Variants in GPHN observed in about 807,000 individuals in gnomAD.
GPHN encodes the protein gephyrin.
GPHN carries 17 observed loss-of-function variants against 95.5 expected under a neutral mutation model. That is an observed-to-expected ratio of 0.18 (90% confidence interval 0.12 to 0.27). The LOEUF is 0.27. GPHN is among the 10% of genes least tolerant of loss of function. GPHN has a pLI of 1.00. For synonymous variants in GPHN, 320 were observed against 322.5 expected, an observed-to-expected ratio of 0.99 and a Z score of 0.08; for missense variants, 660 against 978.1, an observed-to-expected ratio of 0.67 and a Z score of 4.34.
intron 4 of GPHN, among the ~76,000 whole-genome samples, chr14:66,842,051 C>T (rs1045791453): frequency 2.0e-5 from 3 of 148,260 alleles, no homozygotes; most frequent in Non-Finnish European, 4.5e-5. Flanking sequence ...AGACTCCTTC[C>T]CCCCGCCCCC....
At chr14:66,634,798 G>A (rs967990868) in intron 1 of GPHN, among the ~76,000 whole-genome samples, 1 of 152,118 alleles carries the variant, frequency 6.6e-6, no homozygotes, top group Non-Finnish European at 1.5e-5. Flanking sequence ...TGTGTGGTGT[G>A]GCTTTCTTCA....
chr14:67,541,345 C>G, the GPHN span, among the ~76,000 whole-genome samples: 3 of 152,206 alleles, frequency 2.0e-5, no homozygotes, highest in African/African-American at 7.2e-5. Flanking sequence ...TCCCAGCTCC[C>G]ATTCCCATTT....
intron 12 of GPHN, among the ~76,000 whole-genome samples, chr14:67,098,520 A>G (rs1354932782): frequency 6.6e-6 from 1 of 152,090 alleles, no homozygotes; most frequent in Non-Finnish European, 1.5e-5. Flanking sequence ...GTAAAAAAAA[A>G]GAAAATGGGT....
chr14:66,909,374 A>G (rs2065555884), intron 5 of GPHN, among the ~76,000 whole-genome samples: 1 of 152,096 alleles, frequency 6.6e-6, no homozygotes, highest in Non-Finnish European at 1.5e-5. Flanking sequence ...AGTAGAAAAA[A>G]GGGAAAATGT....
chr14:67,475,343 A>G, the GPHN span, among the ~76,000 whole-genome samples: 1 of 152,234 alleles, frequency 6.6e-6, no homozygotes, highest in Admixed American at 6.5e-5. Flanking sequence ...TAAGGCTGCT[A>G]TGAACACGGG....
At chr14:66,640,218 C>G (rs2064319824) in intron 1 of GPHN, among the ~76,000 whole-genome samples, 1 of 152,082 alleles carries the variant, frequency 6.6e-6, no homozygotes, top group South Asian at 2.1e-4. Flanking sequence ...GTCGTGAGTT[C>G]AAGACCAGCC....
At chr14:66,796,281 A>C (rs2060153271) in intron 3 of GPHN, among the ~76,000 whole-genome samples, 1 of 152,138 alleles carries the variant, frequency 6.6e-6, no homozygotes. Context: ...CAGCTGCAAC[A>C]AACATGGGAG....
At chr14:66,530,917 G>A (rs532808977) in intron 1 of GPHN, among the ~76,000 whole-genome samples, 2 of 151,312 alleles carry the variant, frequency 1.3e-5, no homozygotes, top group African/African-American at 4.9e-5. Context: ...CATCTTGCCA[G>A]CAACTCAGCC....
chr14:66,910,937 A>G (rs1009545813), intron 5 of GPHN, among the ~76,000 whole-genome samples: 1 of 152,042 alleles, frequency 6.6e-6, no homozygotes, highest in African/African-American at 2.4e-5. Context: ...AACTATAGCT[A>G]TGCATATCAG....
At chr14:66,914,667 A>C (rs1321005540) in intron 5 of GPHN, among the ~76,000 whole-genome samples, 1 of 152,052 alleles carries the variant, frequency 6.6e-6, no homozygotes, top group Non-Finnish European at 1.5e-5. Flanking sequence ...TTGTGCTCTT[A>C]GTTAAAATTC....
chr14:67,405,547 T>C, the GPHN span, among the ~76,000 whole-genome samples: 1 of 152,344 alleles, frequency 6.6e-6, no homozygotes, highest in African/African-American at 2.4e-5. Context: ...CCCCTCCTTC[T>C]GGTGTTCACA....
chr14:66,626,308 A>G (rs951532263), intron 1 of GPHN, among the ~76,000 whole-genome samples: 3 of 152,146 alleles, frequency 2.0e-5, no homozygotes, highest in Admixed American at 6.5e-5. Context: ...TCTTTTCTCT[A>G]TATTAAATAT....
At chr14:66,555,628 G>GA (rs965817136) in intron 1 of GPHN, among the ~76,000 whole-genome samples, 12 of 151,756 alleles carry the variant, frequency 7.9e-5, no homozygotes, top group East Asian at 5.8e-4. Flanking sequence ...GACAAAAAAA[G>GA]AAAAAAAATC....
At chr14:67,298,449 A>G in the GPHN span, among the ~76,000 whole-genome samples, 1 of 151,754 alleles carries the variant, frequency 6.6e-6, no homozygotes, top group Admixed American at 6.6e-5. Flanking sequence ...CGGGAGGCGA[A>G]GGTTGCAGTG....
rs144593617 is a variant in GPHN at position 66,968,188 on chromosome 14, G to A, written c.963+2863G>A. Among the ~76,000 whole-genome samples, 11 of 151,868 alleles carry A rather than the reference G, an allele frequency of 7.2e-5. No homozygotes were observed. In the East Asian group the frequency reaches 2.1e-3, roughly 29 times the overall value. On this transcript the variant is annotated intron_variant, in intron 9 of 22. Transcript: ENST00000478722. ...AAATTTGGGGCCGAGAAGTCCAAAA[G>A]CAATTTCGGGGTTTCAAATTTGAGA...
chr14:67,345,908 T>C, the GPHN span: 1 of 1,314,366 alleles, frequency 7.6e-7, no homozygotes, highest in South Asian at 1.2e-5. Context: ...TTAATTAGAG[T>C]AAAATATCTT....
the GPHN span, among the ~76,000 whole-genome samples, chr14:67,295,140 T>C: frequency 6.6e-6 from 1 of 151,166 alleles, no homozygotes; most frequent in Non-Finnish European, 1.5e-5. Flanking sequence ...TGTAAATACA[T>C]GACAAAAACT....
chr14:67,266,755 G>A, the GPHN span, among the ~76,000 whole-genome samples: 3 of 152,134 alleles, frequency 2.0e-5, no homozygotes, highest in East Asian at 5.8e-4. Flanking sequence ...AGTAAATAGA[G>A]TCTTTTATGT....
At chr14:67,698,076 T>C in the GPHN span, among the ~76,000 whole-genome samples, 2 of 152,226 alleles carry the variant, frequency 1.3e-5, no homozygotes. Context: ...AACATTGAAG[T>C]CAGCATTGCA....
Sources: allele counts gnomAD v4.1 joint callset (sites outside exome capture counted in the v4.1 genomes callset), GRCh38; gene constraint gnomAD v4.1.1; transcripts MANE v1.5; gene names NCBI Gene and HGNC (gene_info 2026-07-23, HGNC 2026-07-21).